The following DOCK4 variants were observed in gnomAD, a reference collection of about 807,000 sequenced individuals.
DOCK4 encodes dedicator of cytokinesis protein 4.
A neutral mutation model predicts 268.1 loss-of-function variants in DOCK4; 97 were observed. The ratio of observed to expected loss-of-function variants is 0.36; its 90% CI spans 0.31 to 0.43. The LOEUF is 0.43. Among genes scored for constraint, DOCK4 ranks in the 20% least tolerant of loss-of-function variants. The probability of loss-of-function intolerance (pLI) is 1.00; values close to 1 mark genes in which losing one functional copy is unlikely to be tolerated. For synonymous variants in DOCK4, 954 were observed against 887.2 expected (o/e 1.08, Z -1.34); for missense variants, 2,145 against 2,455.7 (o/e 0.87, Z 2.67).
chr7:111,859,669 G>A (rs946127908), intron 23 of DOCK4, among the ~76,000 whole-genome samples: 7 of 145,602 alleles, frequency 4.8e-5, no homozygotes, highest in South Asian at 2.2e-4. Context: ...CCGGGTTCAC[G>A]CCATTCTCCT....
rs71529492 is a variant in DOCK4, at chr7:111,995,413, T to TTG, written c.219-1184_219-1183dup. ...CAGTTTCTTTTTTCAAATTCTTTCT[T>TTG]TGTGTGTGTGTGTGTGTGTGTGTGT... is the stretch of plus-strand genomic sequence containing the variant. On this transcript the variant is annotated intron_variant, in intron 4 of 52. Coordinates refer to ENST00000428084, the MANE Select transcript of DOCK4 (RefSeq NM_001363540.2). Among the ~76,000 whole-genome samples, 1,090 of 116,962 alleles carry TTG rather than the reference T, an allele frequency of 9.3e-3. 11 individuals are homozygous for TTG. The highest frequency in any genetic ancestry group is 0.02 in the Middle Eastern group (5 of 250). 76.7% of individuals were successfully genotyped at this position (116,962 alleles called of 152,430 possible).
intron 39 of DOCK4, among the ~76,000 whole-genome samples, chr7:111,763,909 G>T (rs1797610304): frequency 6.6e-6 from 1 of 152,160 alleles, no homozygotes; most frequent in Non-Finnish European, 1.5e-5. Flanking sequence ...GTCCAGAGTG[G>T]TCTGGAACTG....
intron 4 of DOCK4, among the ~76,000 whole-genome samples, chr7:111,997,244 G>A (rs1800041825): frequency 6.6e-6 from 1 of 152,192 alleles, no homozygotes; most frequent in African/African-American, 2.4e-5. Context: ...TGATGCTTCT[G>A]GTGGATTATA....
At chr7:111,999,779 CAA>C (rs5886609) in intron 3 of DOCK4, among the ~76,000 whole-genome samples, 296 of 145,066 alleles carry the variant, frequency 2.0e-3, no homozygotes, top group African/African-American at 6.5e-3. Flanking sequence ...AGAATTAAAC[CAA>C]AAAAAAAAAT....
intron 25 of DOCK4, among the ~76,000 whole-genome samples, chr7:111,837,740 A>T (rs894015431): frequency 9.2e-5 from 14 of 151,976 alleles, no homozygotes; most frequent in South Asian, 2.1e-4. Context: ...TTAAATACTT[A>T]AAAAAAATGA....
At chr7:112,175,454 G>GT (rs1291196909) in intron 1 of DOCK4, among the ~76,000 whole-genome samples, 2 of 151,944 alleles carry the variant, frequency 1.3e-5, no homozygotes, top group African/African-American at 2.4e-5. Context: ...AAGGTAAAAT[G>GT]TTTTTATGTT....
chr7:112,015,187 T>C (rs1801709903), intron 1 of DOCK4, among the ~76,000 whole-genome samples: 1 of 152,100 alleles, frequency 6.6e-6, no homozygotes, highest in African/African-American at 2.4e-5. Flanking sequence ...CTGGTGGTCC[T>C]CACTTCATTA....
chr7:112,142,029 T>C (rs1469004844), intron 1 of DOCK4, among the ~76,000 whole-genome samples: 1 of 152,206 alleles, frequency 6.6e-6, no homozygotes, highest in Non-Finnish European at 1.5e-5. Context: ...TTTAACTCTA[T>C]GAAGAGCAAA....
chr7:111,963,018 A>C (rs1339648883), intron 8 of DOCK4, among the ~76,000 whole-genome samples: 1 of 152,174 alleles, frequency 6.6e-6, no homozygotes, highest in Non-Finnish European at 1.5e-5. Flanking sequence ...GGTCATATGA[A>C]ATATATTCTC....
chr7:111,894,239 A>G (rs149008322), intron 16 of DOCK4, among the ~76,000 whole-genome samples: 138 of 152,250 alleles, frequency 9.1e-4, no homozygotes, highest in African/African-American at 3.3e-3. Flanking sequence ...AAAAGAAAAA[A>G]GAAAAAAAGA....
At chr7:112,056,265 A>G (rs368789438) in intron 1 of DOCK4, among the ~76,000 whole-genome samples, 60 of 152,328 alleles carry the variant, frequency 3.9e-4, no homozygotes, top group African/African-American at 1.3e-3. Context: ...CAACAAACTG[A>G]CAATGGTTGA....
At chr7:112,000,300 T>C (rs1429628123) in intron 3 of DOCK4, among the ~76,000 whole-genome samples, 194 bp downstream of exon 3, 3 of 152,170 alleles carry the variant, frequency 2.0e-5, no homozygotes, top group African/African-American at 7.2e-5. Flanking sequence ...AAGAGCTAAA[T>C]AGGATTATCA....
chr7:112,164,379 T>C (rs1169724370), intron 1 of DOCK4, among the ~76,000 whole-genome samples: 2 of 152,230 alleles, frequency 1.3e-5, no homozygotes, highest in Non-Finnish European at 2.9e-5. Flanking sequence ...TCTTTAAATA[T>C]ATACATATAT....
intron 1 of DOCK4, among the ~76,000 whole-genome samples, chr7:112,140,951 G>C (rs1814864771): frequency 6.6e-6 from 1 of 152,120 alleles, no homozygotes; most frequent in African/African-American, 2.4e-5. Flanking sequence ...TCTACAGCTG[G>C]TAAAATAAAA....
chr7:111,735,278 AAAAC>A (rs1237421755), intron 50 of DOCK4, 111 bp from the exon 51 acceptor site: 22 of 690,222 alleles, frequency 3.2e-5, no homozygotes, highest in Non-Finnish European at 5.0e-5. Context: ...AACTGGATGA[AAAAC>A]AAAACAGGAA....
At chr7:112,128,353 C>T (rs905349007) in intron 1 of DOCK4, among the ~76,000 whole-genome samples, 1 of 151,844 alleles carries the variant, frequency 6.6e-6, no homozygotes. Context: ...GGCGCCTCTG[C>T]CCGGCCGCCC....
chr7:112,118,425 G>A (rs1222862703), intron 1 of DOCK4, among the ~76,000 whole-genome samples: 1 of 152,130 alleles, frequency 6.6e-6, no homozygotes, highest in Non-Finnish European at 1.5e-5. Context: ...TAAGATTTCA[G>A]AGTAATTTGA....
chr7:111,939,562 G>A (rs1795036783), intron 11 of DOCK4, among the ~76,000 whole-genome samples: 1 of 151,572 alleles, frequency 6.6e-6, no homozygotes, highest in African/African-American at 2.4e-5. Flanking sequence ...TTCCATTATT[G>A]GAATGCTAAG....
At chr7:111,820,893 C>T (rs149326032) in intron 27 of DOCK4, 1 of 152,268 alleles carries the variant, frequency 6.6e-6, no homozygotes, top group African/African-American at 2.4e-5. Context: ...AGAATGTTTG[C>T]TCTTTGGTTA....
Sources: gnomAD v4.1 joint callset for allele counts (sites outside exome capture counted in the v4.1 genomes callset) on GRCh38, gnomAD v4.1.1 for gene constraint, MANE v1.5 for transcripts, NCBI Gene and HGNC (gene_info 2026-07-23, HGNC 2026-07-21) for gene names.